USH2A: variants seen among roughly 807,000 people sequenced by gnomAD.
USH2A encodes Usher syndrome 2A (autosomal recessive, mild).
Under a neutral mutation model 538.9 loss-of-function variants are expected in USH2A, and 443 were observed. The ratio of observed to expected loss-of-function variants is 0.82; its 90% CI spans 0.76 to 0.89. The LOEUF is 0.89. USH2A is among the 40% of genes least tolerant of loss of function. The pLI, the probability that USH2A is intolerant of heterozygous loss-of-function variation, is 0.00. For synonymous variants in USH2A, 2,413 were observed against 2,273.5 expected (o/e 1.06, Z -1.75); for missense variants, 6,633 against 6,324.8 (o/e 1.05, Z -1.65).
rs1404220423 is a variant in USH2A, at chr1:215,888,956, G to A, written c.7693C>T (p.His2565Tyr). The stretch of plus-strand genomic sequence containing the variant: ...CGGCCATGTAGATAAATGTTATAAT[G>A]GGTAATAACCCCATTGGATTTTCTA... ...HPRKSNGVIT[H>Y]YNIYLHGRLY... The change falls in exon 41 of 72, where the codon CAT becomes TAT. Residue 2565 changes from histidine (H) to tyrosine (Y), a missense_variant. Coordinates refer to ENST00000307340, the MANE Select transcript of USH2A (RefSeq NM_206933.4). 2 of 1,614,122 alleles carry A rather than the reference G, an allele frequency of 1.2e-6. No individual in the cohort carries two copies. Among genetic ancestry groups the A allele is most frequent in the South Asian group, 2.2e-5 (2 of 91,076 alleles).
intron 21 of USH2A, among the ~76,000 whole-genome samples, chr1:216,099,758 T>C (rs1258010472): frequency 6.6e-6 from 1 of 151,942 alleles, no homozygotes; most frequent in African/African-American, 2.4e-5. Context: ...TTGAGGAAAA[T>C]GGGGCATTAA....
chr1:215,643,526 C>T (rs539202903), intron 67 of USH2A, among the ~76,000 whole-genome samples: 3 of 144,130 alleles, frequency 2.1e-5, no homozygotes, highest in African/African-American at 5.1e-5. Flanking sequence ...AGATAAAATC[C>T]TTTTTTTTTT....
chr1:215,893,140 A>C (rs1350478680), intron 40 of USH2A, among the ~76,000 whole-genome samples: 1 of 152,172 alleles, frequency 6.6e-6, no homozygotes, highest in Admixed American at 6.5e-5. Context: ...ATTATTCCAA[A>C]TATAGCAAAT....
At chr1:216,221,818 A>G (rs1053885722) in intron 14 of USH2A, among the ~76,000 whole-genome samples, 1 of 152,206 alleles carries the variant, frequency 6.6e-6, no homozygotes, top group African/African-American at 2.4e-5. Context: ...CAAATTTTTA[A>G]AGTGCTCACA....
chr1:216,163,736 C>T (rs1006956678), intron 21 of USH2A, among the ~76,000 whole-genome samples: 2 of 151,848 alleles, frequency 1.3e-5, no homozygotes, highest in Non-Finnish European at 2.9e-5. Flanking sequence ...CAATTGAAAA[C>T]CTGGCATGTA....
intron 67 of USH2A, among the ~76,000 whole-genome samples, chr1:215,641,221 C>A (rs1656674863): frequency 6.6e-6 from 1 of 152,128 alleles, no homozygotes; most frequent in South Asian, 2.1e-4. Context: ...TTTCTCCAAA[C>A]CAAACTGCTT....
At chr1:215,668,943 G>A (rs143679391) in intron 64 of USH2A, among the ~76,000 whole-genome samples, 4 of 152,290 alleles carry the variant, frequency 2.6e-5, no homozygotes, top group Non-Finnish European at 4.4e-5. Flanking sequence ...GCTAAGGCAG[G>A]AGAATCGTTT....
chr1:216,207,239 A>G, intron 16 of USH2A, 34 bp downstream of exon 16: 2 of 1,612,614 alleles, frequency 1.2e-6, no homozygotes, highest in Non-Finnish European at 1.7e-6. Context: ...AATTCTCAGA[A>G]TATTTATTTC....
At chr1:215,809,909 T>C (rs1022256090) in intron 49 of USH2A, among the ~76,000 whole-genome samples, 4 of 152,186 alleles carry the variant, frequency 2.6e-5, no homozygotes, top group Admixed American at 6.6e-5. Context: ...CAACAGGATT[T>C]GGGACCATTG....
chr1:216,046,101 A>G (rs1024364098), intron 32 of USH2A, among the ~76,000 whole-genome samples: 2 of 150,758 alleles, frequency 1.3e-5, no homozygotes, highest in African/African-American at 4.9e-5. Flanking sequence ...CCCTCTACTG[A>G]TACCAAAATT....
At chr1:215,638,618 CAAAA>C (rs373591243) in intron 69 of USH2A, among the ~76,000 whole-genome samples, 2 of 87,570 alleles carry the variant, frequency 2.3e-5, no homozygotes, top group Non-Finnish European at 2.2e-5. Context: ...GACTCTGTCT[CAAAA>C]AAAAAAAAAA....
intron 61 of USH2A, among the ~76,000 whole-genome samples, chr1:215,697,335 T>C (rs1658850648): frequency 6.6e-6 from 1 of 152,100 alleles, no homozygotes; most frequent in East Asian, 1.9e-4. Context: ...AGACCCCTCC[T>C]CTTGGCAAAG....
chr1:216,052,681 T>G (rs2030833745), intron 30 of USH2A, among the ~76,000 whole-genome samples: 1 of 152,210 alleles, frequency 6.6e-6, no homozygotes, highest in African/African-American at 2.4e-5. Flanking sequence ...TTAAGGGTTA[T>G]GCAAGGGCAA....
intron 9 of USH2A, among the ~76,000 whole-genome samples, chr1:216,309,151 A>G (rs1397267188): frequency 6.6e-6 from 1 of 152,246 alleles, no homozygotes; most frequent in Admixed American, 6.5e-5. Flanking sequence ...ACTGGTAGGT[A>G]GGAATTATGG....
rs1668159185 is a variant in USH2A, at chr1:215,997,065, G to A, written c.6657+1822C>T. Among the ~76,000 whole-genome samples the A allele has an allele frequency of 1.3e-5, 2 of 152,114 alleles. 1 individual carries two copies. Among genetic ancestry groups the A allele is most frequent in the African/African-American group, 4.8e-5 (2 of 41,428 alleles). ...ACTAATCTAATGACCTTGAAAGCCA[G>A]TTATTATATTGAAACTGTGAAATAT... On this transcript the variant is annotated intron_variant, in intron 34 of 71. Coordinates refer to ENST00000307340, the MANE Select transcript of USH2A (RefSeq NM_206933.4).
intron 51 of USH2A, among the ~76,000 whole-genome samples, chr1:215,787,669 A>C (rs1314854212): frequency 1.3e-5 from 2 of 152,190 alleles, no homozygotes. Context: ...TTGCTATTAA[A>C]ATTGATCTCC....
chr1:215,929,369 A>C lies in USH2A; in HGVS notation c.7300+5247T>G, dbSNP rs142609053. On this transcript the variant is annotated intron_variant, in intron 38 of 71. Transcript: ENST00000307340. ...AGGATGCTGAAGGTATTTCAAAAAGAAAATCACTTCCCATGCTTCCTGCTT... is the reference window on the plus strand; with the variant it reads ...AGGATGCTGAAGGTATTTCAAAAAGCAAATCACTTCCCATGCTTCCTGCTT... 1.4e-4 allele frequency among the ~76,000 whole-genome samples: 22 copies of C among 152,192 alleles called. No homozygotes were observed. In the East Asian group the frequency reaches 4.1e-3, roughly 28 times the overall value.
chr1:215,984,762 G>T (rs1360847897), intron 35 of USH2A, among the ~76,000 whole-genome samples: 1 of 152,188 alleles, frequency 6.6e-6, no homozygotes. Flanking sequence ...AACATGTGTA[G>T]TGAATATAGA....
chr1:216,377,221 T>G (rs955564622), intron 3 of USH2A, among the ~76,000 whole-genome samples: 13 of 152,290 alleles, frequency 8.5e-5, no homozygotes, highest in Admixed American at 2.6e-4. Flanking sequence ...ATTCTAGAAT[T>G]GAGAATAATA....
Sources: allele counts gnomAD v4.1 joint callset (sites outside exome capture counted in the v4.1 genomes callset), GRCh38; gene constraint gnomAD v4.1.1; transcripts MANE v1.5; gene names NCBI Gene and HGNC (gene_info 2026-07-23, HGNC 2026-07-21).